STAG1: variants seen among roughly 807,000 people sequenced by gnomAD.
The protein encoded by STAG1 is cohesin subunit SA-1.
A neutral mutation model predicts 170.9 loss-of-function variants in STAG1; 26 were observed. The observed-to-expected ratio is 0.15, with a 90% CI of 0.11 to 0.21. The LOEUF (loss-of-function observed/expected upper bound fraction) is 0.21. Among genes scored for constraint, STAG1 ranks in the 10% least tolerant of loss-of-function variants. The pLI, the probability that STAG1 is intolerant of heterozygous loss-of-function variation, is 1.00. For synonymous variants in STAG1, 514 were observed against 497.7 expected, an observed-to-expected ratio of 1.03 and a Z score of -0.44; for missense variants, 964 against 1,509.5, an observed-to-expected ratio of 0.64 and a Z score of 5.99.
intron 5 of STAG1, among the ~76,000 whole-genome samples, chr3:136,559,263 T>C (rs570265819): frequency 9.2e-4 from 140 of 152,298 alleles, no homozygotes; most frequent in Non-Finnish European, 1.9e-3. Context: ...TAAGCACTTG[T>C]TAGTTTCTAT....
At position 136,632,138 on chromosome 3, in the gene STAG1, A is replaced by T. The variant is rs144189330; in HGVS notation, c.-83-1157T>A. 7.9e-5 allele frequency among the ~76,000 whole-genome samples: 12 copies of T among 152,284 alleles called. No homozygotes were observed. In the East Asian group the frequency reaches 1.9e-3, roughly 25 times the overall value. On this transcript the variant is annotated intron_variant, in intron 1 of 33. Transcript: ENST00000383202. ...TGACAGAGGGGGAAAAAAAAAGTCAACCCTGAATTACATACCAAGTGATAA... is the reference window on the plus strand; with the variant it reads ...TGACAGAGGGGGAAAAAAAAAGTCATCCCTGAATTACATACCAAGTGATAA...
At chr3:136,384,322 T>C (rs1192227838) in intron 22 of STAG1, among the ~76,000 whole-genome samples, 2 of 151,502 alleles carry the variant, frequency 1.3e-5, no homozygotes, top group Non-Finnish European at 2.9e-5. Flanking sequence ...TGGTGGCACA[T>C]GTCTGTAGTC....
At chr3:136,469,577 T>A (rs1247011958) in intron 12 of STAG1, among the ~76,000 whole-genome samples, 2 of 152,202 alleles carry the variant, frequency 1.3e-5, no homozygotes, top group African/African-American at 2.4e-5. Flanking sequence ...ATTTATAGAT[T>A]CAATGCCATC....
chr3:136,375,052 G>A (rs942866385), intron 23 of STAG1, among the ~76,000 whole-genome samples: 4 of 152,160 alleles, frequency 2.6e-5, no homozygotes, highest in African/African-American at 9.7e-5. Flanking sequence ...CCATACCATA[G>A]AGCATAGGCA....
intron 10 of STAG1, among the ~76,000 whole-genome samples, chr3:136,475,531 T>C (rs190845493): frequency 6.6e-6 from 1 of 152,102 alleles, no homozygotes; most frequent in Non-Finnish European, 1.5e-5. Context: ...GGGAATGTGA[T>C]CTATGAGAGC....
intron 16 of STAG1, among the ~76,000 whole-genome samples, chr3:136,426,204 G>A (rs929521118): frequency 1.3e-5 from 2 of 151,636 alleles, no homozygotes; most frequent in Non-Finnish European, 2.9e-5. Flanking sequence ...TCAGGAGATC[G>A]AGACCATCCT....
At position 136,396,520 on chromosome 3, in the gene STAG1, C is replaced by CTTTTTTTTTTTTTT. The variant is rs146270857; in HGVS notation, c.2277+2215_2277+2228dup. 1.4e-3 allele frequency among the ~76,000 whole-genome samples: 62 copies of CTTTTTTTTTTTTTT among 43,656 alleles called. 7 individuals carry two copies. Among genetic ancestry groups the CTTTTTTTTTTTTTT allele is most frequent in the African/African-American group, 1.7e-3 (15 of 8,644 alleles). The allele number at this position is 43,656 out of a possible 152,430, so 28.6% of individuals were successfully genotyped here. ...ACAGGCGTGAGCCACCGCGCCTGGC[C>CTTTTTTTTTTTTTT]TTTTTTTTTTTTTTTTTTTTTTTTT... On this transcript the variant is annotated intron_variant, in intron 22 of 33. Coordinates refer to ENST00000383202, the MANE Select transcript of STAG1 (RefSeq NM_005862.3).
chr3:136,667,965 A>C (rs986122509), intron 1 of STAG1, among the ~76,000 whole-genome samples: 2 of 151,516 alleles, frequency 1.3e-5, no homozygotes, highest in African/African-American at 4.8e-5. Context: ...AGGCAGGCGG[A>C]TTGCTTGAGG....
intron 16 of STAG1, among the ~76,000 whole-genome samples, chr3:136,428,830 A>C (rs992072324): frequency 1.3e-5 from 2 of 152,210 alleles, no homozygotes; most frequent in Non-Finnish European, 2.9e-5. Flanking sequence ...GATCTTAGAG[A>C]AATTAGAGAG....
At chr3:136,702,875 T>C (rs112165585) in intron 1 of STAG1, among the ~76,000 whole-genome samples, 2 of 151,608 alleles carry the variant, frequency 1.3e-5, no homozygotes, top group African/African-American at 4.8e-5. Context: ...CAAGACCATC[T>C]TGGCCAACAT....
At chr3:136,359,104 C>G in intron 27 of STAG1, 44 bp downstream of exon 27, 1 of 1,498,078 alleles carries the variant, frequency 6.7e-7, no homozygotes, top group African/African-American at 1.4e-5. Flanking sequence ...CATTAAAATT[C>G]AAGTAAATCA....
At chr3:136,523,954 ATC>A (rs1934845227) in intron 6 of STAG1, among the ~76,000 whole-genome samples, 1 of 147,746 alleles carries the variant, frequency 6.8e-6, no homozygotes. Flanking sequence ...ATAGGTCTAC[ATC>A]TCTGTTTTGG....
intron 3 of STAG1, among the ~76,000 whole-genome samples, chr3:136,615,614 T>C (rs1487498650): frequency 6.6e-6 from 1 of 150,758 alleles, no homozygotes; most frequent in Non-Finnish European, 1.5e-5. Flanking sequence ...CCATCTCTAC[T>C]AAAAATACAA....
chr3:136,656,321 G>C (rs1941368612), intron 1 of STAG1, among the ~76,000 whole-genome samples: 2 of 152,112 alleles, frequency 1.3e-5, no homozygotes, highest in Admixed American at 1.3e-4. Context: ...TTTCCAGTTT[G>C]CAAGATGAAA....
At chr3:136,617,121 T>C (rs537187186) in intron 3 of STAG1, among the ~76,000 whole-genome samples, 1 of 152,312 alleles carries the variant, frequency 6.6e-6, no homozygotes, top group Non-Finnish European at 1.5e-5. Flanking sequence ...TGGTTTAGAA[T>C]AGTTAAGAAT....
At chr3:136,541,538 T>TCACACACACACACACACACACACTCA (rs1935901074) in intron 6 of STAG1, among the ~76,000 whole-genome samples, 3 of 123,122 alleles carry the variant, frequency 2.4e-5, no homozygotes, top group Non-Finnish European at 5.2e-5. Context: ...AGCTTAACAT[T>TCACACACACACACACACACACACTCA]CACACACACA....
intron 7 of STAG1, among the ~76,000 whole-genome samples, chr3:136,518,646 G>A (rs1386193734): frequency 6.6e-6 from 1 of 152,064 alleles, no homozygotes; most frequent in African/African-American, 2.4e-5. Context: ...ATTAATTAGT[G>A]TAGACACATG....
At position 136,567,411 on chromosome 3, in the gene STAG1, TTCTTG is replaced by T. The variant is rs1321192449; in HGVS notation, c.394+1349_394+1353del. 5.3e-5 allele frequency among the ~76,000 whole-genome samples: 8 copies of T among 152,312 alleles called. No homozygotes were observed. The East Asian group carries it at 1.2e-3, about 22-fold the overall frequency. On this transcript the variant is annotated intron_variant, in intron 5 of 33. Coordinates refer to ENST00000383202, the MANE Select transcript of STAG1 (RefSeq NM_005862.3). ...TCTACGTCCCGGACTGAACCATGCTTTCTTGTCTTAAGGTCTTTTTGCATAATATG... is the reference window on the plus strand; with the variant it reads ...TCTACGTCCCGGACTGAACCATGCTTTCTTAAGGTCTTTTTGCATAATATG...
At chr3:136,642,513 G>A (rs1309022118) in intron 1 of STAG1, among the ~76,000 whole-genome samples, 1 of 151,854 alleles carries the variant, frequency 6.6e-6, no homozygotes, top group Admixed American at 6.6e-5. Context: ...TGATCCACCC[G>A]CCTCGGCCTC....
Sources: gnomAD v4.1 joint callset for allele counts (sites outside exome capture counted in the v4.1 genomes callset) on GRCh38, gnomAD v4.1.1 for gene constraint, MANE v1.5 for transcripts, NCBI Gene and HGNC (gene_info 2026-07-23, HGNC 2026-07-21) for gene names.